Variants in ABTB3 observed in about 807,000 individuals in gnomAD.
The protein encoded by ABTB3 is ankyrin repeat- and BTB/POZ domain-containing protein 3.
the ABTB3 span, chr12:107,617,549 G>A: frequency 1.4e-6 from 2 of 1,416,760 alleles, no homozygotes; most frequent in Non-Finnish European, 1.9e-6. Flanking sequence ...CAGAGGCAGT[G>A]TGAAGTGGTC....
chr12:107,586,471 TGCAAC>T, the ABTB3 span, among the ~76,000 whole-genome samples: 1 of 152,160 alleles, frequency 6.6e-6, no homozygotes, highest in Non-Finnish European at 1.5e-5. Context: ...GAACAAATCC[TGCAAC>T]TCCCCACAGA....
At chr12:107,390,140 C>T in the ABTB3 span, among the ~76,000 whole-genome samples, 1 of 152,144 alleles carries the variant, frequency 6.6e-6, no homozygotes, top group Non-Finnish European at 1.5e-5. Flanking sequence ...CCATTTGGGA[C>T]CCTCTTCAGA....
chr12:107,492,682 C>T, the ABTB3 span, among the ~76,000 whole-genome samples: 1 of 152,098 alleles, frequency 6.6e-6, no homozygotes, highest in South Asian at 2.1e-4. Flanking sequence ...AGTTAACGGC[C>T]GCTGTGGGAG....
chr12:107,609,435 C>G, the ABTB3 span, among the ~76,000 whole-genome samples: 1 of 152,178 alleles, frequency 6.6e-6, no homozygotes, highest in Non-Finnish European at 1.5e-5. Context: ...TCTTGATGCC[C>G]TGGGCTGGCT....
the ABTB3 span, among the ~76,000 whole-genome samples, chr12:107,471,427 G>C: frequency 6.6e-6 from 1 of 152,148 alleles, no homozygotes; most frequent in African/African-American, 2.4e-5. Context: ...AGAAGTACAG[G>C]CTCCCATTGC....
chr12:107,393,674 T>C, the ABTB3 span, among the ~76,000 whole-genome samples: 1 of 152,310 alleles, frequency 6.6e-6, no homozygotes, highest in East Asian at 1.9e-4. Flanking sequence ...GTCATGCCTG[T>C]AATCCCAGCG....
At chr12:107,608,893 T>TAAAATAAAATAAA in the ABTB3 span, among the ~76,000 whole-genome samples, 1 of 84,322 alleles carries the variant, frequency 1.2e-5, no homozygotes, top group African/African-American at 5.7e-5. Flanking sequence ...TAAAATAAAA[T>TAAAATAAAATAAA]AAATAAAATA....
chr12:107,580,796 C>G, the ABTB3 span: 5 of 1,501,310 alleles, frequency 3.3e-6, no homozygotes, highest in African/African-American at 7.0e-5. Context: ...AGACCCTGCG[C>G]TTGGTGCTTC....
chr12:107,421,436 G>C, the ABTB3 span, among the ~76,000 whole-genome samples: 33 of 152,134 alleles, frequency 2.2e-4, 1 homozygote, highest in African/African-American at 8.0e-4. Flanking sequence ...GGGAGCACCC[G>C]CTCTGTGCCT....
At chr12:107,409,910 A>G in the ABTB3 span, among the ~76,000 whole-genome samples, 1 of 152,208 alleles carries the variant, frequency 6.6e-6, no homozygotes, top group African/African-American at 2.4e-5. Flanking sequence ...AAAAGAAAAT[A>G]CAGGGCCTCT....
the ABTB3 span, among the ~76,000 whole-genome samples, chr12:107,397,803 ATCTAATTTTTTTCTTCTCTAAGGAAAG>A: frequency 6.6e-6 from 1 of 152,094 alleles, no homozygotes; most frequent in African/African-American, 2.4e-5. Context: ...TGGGGGTCTA[ATCTAATTTTTTTCTTCTCTAAGGAAAG>A]TCATTGGTCC....
chr12:107,565,436 C>A, the ABTB3 span, among the ~76,000 whole-genome samples: 2 of 152,120 alleles, frequency 1.3e-5, no homozygotes, highest in African/African-American at 4.8e-5. Flanking sequence ...GTACTTCCAC[C>A]CCTGCTATTT....
At chr12:107,516,889 A>G in the ABTB3 span, among the ~76,000 whole-genome samples, 1 of 152,222 alleles carries the variant, frequency 6.6e-6, no homozygotes, top group Non-Finnish European at 1.5e-5. Context: ...TATTTTGTCC[A>G]TGCCAGTGTC....
At chr12:107,511,829 A>C in the ABTB3 span, among the ~76,000 whole-genome samples, 1 of 152,200 alleles carries the variant, frequency 6.6e-6, no homozygotes, top group Non-Finnish European at 1.5e-5. Context: ...ACTGGAAAGC[A>C]TAACACTGCT....
chr12:107,358,451 G>A, the ABTB3 span, among the ~76,000 whole-genome samples: 6 of 152,176 alleles, frequency 3.9e-5, no homozygotes, highest in Non-Finnish European at 8.8e-5. Flanking sequence ...AGTGCATTGC[G>A]GAGGGGAAAG....
chr12:107,322,266 C>T, the ABTB3 span, among the ~76,000 whole-genome samples: 1 of 152,130 alleles, frequency 6.6e-6, no homozygotes, highest in East Asian at 1.9e-4. Context: ...CACAACCTCT[C>T]CCACACCACA....
chr12:107,623,121 T>A, the ABTB3 span, among the ~76,000 whole-genome samples: 2 of 150,142 alleles, frequency 1.3e-5, no homozygotes, highest in Admixed American at 1.3e-4. Context: ...AGTGCAATGG[T>A]GCAATCTCGG....
the ABTB3 span, among the ~76,000 whole-genome samples, chr12:107,504,784 C>A: frequency 0.017 from 2,548 of 152,260 alleles, 76 homozygotes; most frequent in African/African-American, 0.056. Flanking sequence ...TTGAGACATC[C>A]CTGGGACAGG....
the ABTB3 span, among the ~76,000 whole-genome samples, chr12:107,395,982 A>G: frequency 6.6e-6 from 1 of 152,204 alleles, no homozygotes; most frequent in Admixed American, 6.5e-5. Context: ...GGAGTGCTGA[A>G]GGTACAGACC....
Sources: allele counts gnomAD v4.1 joint callset (sites outside exome capture counted in the v4.1 genomes callset), GRCh38; gene constraint gnomAD v4.1.1; transcripts MANE v1.5; gene names NCBI Gene and HGNC (gene_info 2026-07-23, HGNC 2026-07-21).